Variants in AREL1 observed in about 807,000 individuals in gnomAD.
The protein encoded by AREL1 is apoptosis resistant E3 ubiquitin protein ligase 1, also known as apoptosis-resistant E3 ubiquitin protein ligase 1.
AREL1 carries 62 observed loss-of-function variants against 99.0 expected under a neutral mutation model. That is an observed-to-expected ratio of 0.63 (90% CI 0.51 to 0.77). The LOEUF (loss-of-function observed/expected upper bound fraction) is 0.77, where lower values mean the gene tolerates loss of function less well. Among genes scored for constraint, AREL1 ranks in the 30% least tolerant of loss-of-function variants. The pLI, the probability that AREL1 is intolerant of heterozygous loss-of-function variation, is 0.00. For missense variants in AREL1, 879 were observed against 1,027.6 expected (o/e 0.86, Z 1.98); for synonymous variants, 380 against 376.5 (o/e 1.01, Z -0.11).
rs754357810 is a variant in AREL1, at chr14:74,676,659, C to T, written c.575G>A (p.Arg192Gln). ...GTTGGTGGGATTATCATACTCATCT[C>T]GGGGTACTATTTGAAGGGTGTGCGG... ...GQPHTLQIVP[R>Q]DEYDNPTNNS... Residue 192 changes from arginine (R) to glutamine (Q), a missense_variant, in exon 6 of 20, where the codon CGA becomes CAA. Arg to Gln is a conservative substitution (Grantham distance 43). Coordinates refer to ENST00000356357, the MANE Select transcript of AREL1 (RefSeq NM_001039479.2). The T allele has an allele frequency of 5.0e-6, 8 of 1,613,832 alleles. No individual in the cohort carries two copies. Among genetic ancestry groups the T allele is most frequent in the African/African-American group, 4.0e-5 (3 of 74,840 alleles).
At position 74,683,354 on chromosome 14, in the gene AREL1, T is replaced by C. The variant is rs771114087; in HGVS notation, c.423A>G (p.Thr141=). Residue 141 remains threonine (T), a synonymous_variant, in exon 5 of 20, where the codon ACA becomes ACG. Coordinates refer to ENST00000356357, the MANE Select transcript of AREL1 (RefSeq NM_001039479.2). ...TVRKAGRYEI[T]VKLGGLNVAY... is the part of the protein sequence containing the mutation. ...CCACATTTAATCCACCAAGCTTCACTGTGATTTCATAACGCCCAGCCTTGC... is the reference window on the plus strand; with the variant it reads ...CCACATTTAATCCACCAAGCTTCACCGTGATTTCATAACGCCCAGCCTTGC... 1.9e-6 allele frequency: 3 copies of C among 1,614,184 alleles called. No homozygotes were observed. In the East Asian group the frequency reaches 6.7e-5, roughly 36 times the overall value.
intron 1 of AREL1, among the ~76,000 whole-genome samples, chr14:74,705,039 T>C (rs1467453500): frequency 6.7e-6 from 1 of 149,410 alleles, no homozygotes; most frequent in Non-Finnish European, 1.5e-5. Flanking sequence ...TACAGTCTTC[T>C]GTTGTTTTTT....
In AREL1 at chr14:74,675,785, C is replaced by G; in HGVS notation, c.994G>C (p.Glu332Gln). Residue 332 changes from glutamate to glutamine, a missense_variant, in exon 8 of 20, where the codon GAG becomes CAG. Coordinates refer to ENST00000356357, the MANE Select transcript of AREL1 (RefSeq NM_001039479.2). Reference protein sequence around the residue: ...SQRRPSTAVDEEDEDSPSECH... With the variant: ...SQRRPSTAVDQEDEDSPSECH... ...TCAGAGGGCGAGTCTTCATCTTCCTCGTCAACAGCAGTGGATGGCCGGCGC... is the reference window on the plus strand; with the variant it reads ...TCAGAGGGCGAGTCTTCATCTTCCTGGTCAACAGCAGTGGATGGCCGGCGC... The G allele has an allele frequency of 6.2e-7, 1 of 1,614,156 alleles. No homozygotes were observed. The highest frequency in any genetic ancestry group is 8.5e-7 in the Non-Finnish European group (1 of 1,180,034).
chr14:74,703,663 C>T (rs866240190), intron 1 of AREL1, among the ~76,000 whole-genome samples: 1 of 152,134 alleles, frequency 6.6e-6, no homozygotes, highest in African/African-American at 2.4e-5. Context: ...TTACACATTT[C>T]GGTAGTTCAC....
intron 12 of AREL1, 97 bp from the exon 13 acceptor site, chr14:74,670,968 T>A: frequency 1.1e-6 from 1 of 883,922 alleles, no homozygotes. Context: ...ACATTCCCTC[T>A]ATTGTACTAC....
At chr14:74,705,116 C>T (rs1189650503) in intron 1 of AREL1, among the ~76,000 whole-genome samples, 1 of 151,928 alleles carries the variant, frequency 6.6e-6, no homozygotes. Flanking sequence ...CTCGGCTCAC[C>T]GCAACCTCCA....
intron 1 of AREL1, among the ~76,000 whole-genome samples, chr14:74,699,445 C>T (rs2090042729): frequency 6.6e-6 from 1 of 151,716 alleles, no homozygotes; most frequent in Non-Finnish European, 1.5e-5. Context: ...GAGAGCCCTG[C>T]AATAGAATGG....
chr14:74,699,751 C>T (rs1448407431), intron 1 of AREL1, among the ~76,000 whole-genome samples: 1 of 152,146 alleles, frequency 6.6e-6, no homozygotes, highest in African/African-American at 2.4e-5. Context: ...GGAGAAGTTT[C>T]CAAGAACCTA....
rs1212844849 is a variant in AREL1, at chr14:74,676,666, C to T, written c.568G>A (p.Val190Ile). 1.2e-6 allele frequency: 2 copies of T among 1,613,914 alleles called. No individual in the cohort carries two copies. Among genetic ancestry groups the T allele is most frequent in the African/African-American group, 2.7e-5 (2 of 74,870 alleles). ...TCGQPHTLQIVPRDEYDNPTN... is the reference protein window; with the variant it reads ...TCGQPHTLQIIPRDEYDNPTN... ...GGATTATCATACTCATCTCGGGGTACTATTTGAAGGGTGTGCGGCTGCCCA... is the reference window on the plus strand; with the variant it reads ...GGATTATCATACTCATCTCGGGGTATTATTTGAAGGGTGTGCGGCTGCCCA... The change falls in exon 6 of 20, where the codon GTA becomes ATA. Residue 190 changes from valine to isoleucine, a missense_variant. By Grantham distance (29) the Val-to-Ile change is conservative (BLOSUM62 3). Transcript: ENST00000356357.
At chr14:74,683,581 A>T (rs779493399) in intron 4 of AREL1, 48 bp from the exon 5 acceptor site, 60 of 1,569,388 alleles carry the variant, frequency 3.8e-5, no homozygotes, top group Non-Finnish European at 5.0e-5. Context: ...GAGGAAAAAA[A>T]CATTTCCTGT....
Position 74,676,321 on chromosome 14 carries a change from G to C in AREL1, c.652C>G (p.Leu218Val), listed in dbSNP as rs775405973. 6.2e-7 allele frequency: 1 copy of C among 1,613,720 alleles called. No individual in the cohort carries two copies. Among genetic ancestry groups the C allele is most frequent in the South Asian group, 1.1e-5 (1 of 91,028 alleles). Reference protein sequence around the residue: ...EHNYTLSIHELGPQEEESTGV... With the variant: ...EHNYTLSIHEVGPQEEESTGV... Reference sequence around the variant, plus strand: ...GTACTCTCTTCTTCTTGAGGGCCGAGCTATAGGAAGGCAACAGAGCATCAC... The same window carrying C: ...GTACTCTCTTCTTCTTGAGGGCCGACCTATAGGAAGGCAACAGAGCATCAC... The change falls in exon 7 of 20, where the codon CTC becomes GTC. Residue 218 changes from leucine to valine, a missense_variant and splice_region_variant. Physicochemically the swap from Leu to Val is conservative, Grantham distance 32. Transcript: ENST00000356357.
intron 1 of AREL1, among the ~76,000 whole-genome samples, chr14:74,705,298 C>T (rs1319607230): frequency 6.6e-6 from 1 of 152,218 alleles, no homozygotes; most frequent in Non-Finnish European, 1.5e-5. Flanking sequence ...CTCAGCCTCC[C>T]TAAGTGCTGG....
intron 2 of AREL1, among the ~76,000 whole-genome samples, chr14:74,691,576 T>A (rs1212815628): frequency 2.0e-5 from 3 of 152,128 alleles, no homozygotes; most frequent in African/African-American, 7.2e-5. Context: ...GATATATAAA[T>A]AAAGCATGTC....
Position 74,661,685 on chromosome 14 carries a change from A to G in AREL1, c.*2035T>C, listed in dbSNP as rs2089081042. On this transcript the variant is annotated 3_prime_UTR_variant, in exon 20 of 20. Transcript: ENST00000356357. ...TGAATAGAGTTCAGACAGAGAATAG[A>G]AAACCACAATAGTGCCAAAGGGTTT... The G allele has an allele frequency of 6.0e-6, 1 of 166,096 alleles. No individual in the cohort carries two copies. Among genetic ancestry groups the G allele is most frequent in the African/African-American group, 2.4e-5 (1 of 41,576 alleles). The allele number at this position is 166,096 out of a possible 1,614,324, so 10.3% of individuals were successfully genotyped here. A position where few individuals can be genotyped will look rare whatever the true frequency, so the allele number is the denominator to read the frequency against.
chr14:74,664,982 A>G (rs2089181229), intron 17 of AREL1, 57 bp from the exon 18 acceptor site: 2 of 1,465,866 alleles, frequency 1.4e-6, no homozygotes, highest in Middle Eastern at 3.5e-4. Flanking sequence ...GACCCAATAT[A>G]AGGTCAAAAT....
chr14:74,683,674 G>T, intron 4 of AREL1, 141 bp from the exon 5 acceptor site: 1 of 696,506 alleles, frequency 1.4e-6, no homozygotes, highest in Non-Finnish European at 2.5e-6. Context: ...TCACAGTCCT[G>T]CTCACAAAAA....
intron 17 of AREL1, among the ~76,000 whole-genome samples, chr14:74,666,821 G>A (rs2089220489): frequency 6.6e-6 from 1 of 151,072 alleles, no homozygotes. Context: ...CGGGGTTCAA[G>A]TAATTCTCAT....
At position 74,663,641 on chromosome 14, in the gene AREL1, G is replaced by T; in HGVS notation, c.*79C>A. 1.5e-6 allele frequency: 2 copies of T among 1,356,158 alleles called. No homozygotes were observed. The highest frequency in any genetic ancestry group is 2.1e-6 in the Non-Finnish European group (2 of 947,630). 84.0% of individuals were successfully genotyped at this position (1,356,158 alleles called of 1,614,324 possible). ...TCTGGCTGATGGTTATGTGTGTTAG[G>T]ATCAGTGGTTATGATGTCTGTAACT... On this transcript the variant is annotated 3_prime_UTR_variant, in exon 20 of 20. Coordinates refer to ENST00000356357, the MANE Select transcript of AREL1 (RefSeq NM_001039479.2).
intron 5 of AREL1, among the ~76,000 whole-genome samples, chr14:74,679,424 A>C (rs1026959411): frequency 2.3e-4 from 35 of 152,190 alleles, no homozygotes; most frequent in Non-Finnish European, 1.2e-4. Flanking sequence ...CCTGTCTCCA[A>C]AAAGAAATAA....
Sources: allele counts gnomAD v4.1 joint callset (sites outside exome capture counted in the v4.1 genomes callset), GRCh38; gene constraint gnomAD v4.1.1; transcripts MANE v1.5; gene names NCBI Gene and HGNC (gene_info 2026-07-23, HGNC 2026-07-21).